The following ZNF385D variants were observed in gnomAD, a reference collection of about 807,000 sequenced individuals.
ZNF385D encodes the protein zinc finger protein 385D.
Under a neutral mutation model 35.8 loss-of-function variants are expected in ZNF385D, and 15 were observed. The observed-to-expected ratio is 0.42, with a 90% CI of 0.28 to 0.64. ZNF385D has a LOEUF of 0.64. ZNF385D is among the 30% of genes least tolerant of loss of function. The pLI, the probability that ZNF385D is intolerant of heterozygous loss-of-function variation, is 0.23. For missense variants in ZNF385D, 474 were observed against 494.6 expected, an observed-to-expected ratio of 0.96 and a Z score of 0.39; for synonymous variants, 212 against 186.8, an observed-to-expected ratio of 1.13 and a Z score of -1.10.
At chr3:21,628,355 A>G (rs944034465) in intron 2 of ZNF385D, among the ~76,000 whole-genome samples, 1 of 152,150 alleles carries the variant, frequency 6.6e-6, no homozygotes, top group Non-Finnish European at 1.5e-5. Flanking sequence ...GGGAGAAAAC[A>G]TTAACTAACT....
At chr3:22,256,586 TGA>T (rs907759933) in intron 2 of ZNF385D, among the ~76,000 whole-genome samples, 36 of 152,030 alleles carry the variant, frequency 2.4e-4, no homozygotes, top group African/African-American at 7.9e-4. Flanking sequence ...TGTCTACAAG[TGA>T]GATAGTGATA....
At chr3:22,081,706 A>G (rs992811397) in intron 3 of ZNF385D, among the ~76,000 whole-genome samples, 4 of 152,170 alleles carry the variant, frequency 2.6e-5, no homozygotes, top group Admixed American at 2.6e-4. Context: ...TTTCCACGGC[A>G]GCCTTTGAGT....
At chr3:21,979,582 TCATTA>T (rs1694298527) in intron 3 of ZNF385D, 1 of 152,210 alleles carries the variant, frequency 6.6e-6, no homozygotes, top group Admixed American at 6.5e-5. Flanking sequence ...CTGCCTCACT[TCATTA>T]AACATTTACT....
chr3:21,766,475 G>T (rs1301550573), intron 3 of ZNF385D, among the ~76,000 whole-genome samples: 3 of 152,092 alleles, frequency 2.0e-5, no homozygotes, highest in Non-Finnish European at 4.4e-5. Context: ...ATGAGTTTGT[G>T]TTTGAGGAAA....
intron 3 of ZNF385D, among the ~76,000 whole-genome samples, chr3:22,046,489 C>T (rs1023680772): frequency 1.3e-5 from 2 of 152,140 alleles, no homozygotes; most frequent in Non-Finnish European, 2.9e-5. Flanking sequence ...ATCTACTAGA[C>T]ATTTTTTTCC....
chr3:21,856,476 T>A (rs144815063), intron 3 of ZNF385D, among the ~76,000 whole-genome samples: 1 of 152,066 alleles, frequency 6.6e-6, no homozygotes, highest in South Asian at 2.1e-4. Flanking sequence ...AAAATTAACA[T>A]GTAAAATATG....
At chr3:21,684,189 C>T (rs1347702870) in intron 1 of ZNF385D, among the ~76,000 whole-genome samples, 1 of 149,260 alleles carries the variant, frequency 6.7e-6, no homozygotes, top group East Asian at 2.0e-4. Context: ...GCTCTTTTTA[C>T]TCCTGGCCCC....
At chr3:22,078,224 T>C (rs1700565160) in intron 3 of ZNF385D, among the ~76,000 whole-genome samples, 3 of 152,012 alleles carry the variant, frequency 2.0e-5, no homozygotes, top group Admixed American at 2.0e-4. Context: ...GCATAGACCC[T>C]TTTCAAAAGA....
chr3:21,779,116 G>A (rs544406918), intron 3 of ZNF385D, among the ~76,000 whole-genome samples: 34 of 152,080 alleles, frequency 2.2e-4, no homozygotes, highest in Non-Finnish European at 3.8e-4. Flanking sequence ...GAGCTGGGAC[G>A]TGGAAAATGC....
At chr3:22,014,709 A>T (rs1187688147) in intron 3 of ZNF385D, among the ~76,000 whole-genome samples, 1 of 152,114 alleles carries the variant, frequency 6.6e-6, no homozygotes, top group African/African-American at 2.4e-5. Context: ...GACTTGATAT[A>T]CAAGAAATAA....
intron 1 of ZNF385D, among the ~76,000 whole-genome samples, chr3:21,681,740 CA>C (rs1229973523): frequency 2.1e-5 from 3 of 146,338 alleles, no homozygotes; most frequent in East Asian, 4.0e-4. Context: ...AACAATCAAC[CA>C]AAAAAATCAT....
At chr3:21,913,255 G>A (rs571571355) in intron 3 of ZNF385D, among the ~76,000 whole-genome samples, 4 of 152,200 alleles carry the variant, frequency 2.6e-5, no homozygotes, top group African/African-American at 7.2e-5. Flanking sequence ...GCTGCAATGC[G>A]TGTTAACTAG....
intron 2 of ZNF385D, among the ~76,000 whole-genome samples, chr3:22,296,451 T>C (rs1017198278): frequency 1.3e-5 from 2 of 152,114 alleles, no homozygotes; most frequent in African/African-American, 4.8e-5. Flanking sequence ...CAAGCAGTTC[T>C]TCAAGGAAGG....
chr3:22,254,458 T>A (rs572261188), intron 2 of ZNF385D, among the ~76,000 whole-genome samples: 1 of 151,836 alleles, frequency 6.6e-6, no homozygotes, highest in Non-Finnish European at 1.5e-5. Context: ...ACCTAGCAAG[T>A]ATCTTCCATG....
chr3:21,743,756 G>T (rs2069631058), intron 1 of ZNF385D, among the ~76,000 whole-genome samples: 1 of 152,160 alleles, frequency 6.6e-6, no homozygotes, highest in Non-Finnish European at 1.5e-5. Flanking sequence ...TTATACGTTT[G>T]GGAAACAGGG....
intron 3 of ZNF385D, among the ~76,000 whole-genome samples, chr3:21,903,462 G>A (rs970662927): frequency 2.6e-5 from 4 of 152,214 alleles, no homozygotes; most frequent in Middle Eastern, 3.4e-3. Flanking sequence ...TGGCTTCATA[G>A]ACAGTATCAT....
chr3:22,006,004 T>A (rs1241852008), intron 3 of ZNF385D, among the ~76,000 whole-genome samples: 3 of 152,100 alleles, frequency 2.0e-5, no homozygotes, highest in African/African-American at 7.2e-5. Context: ...TGAATGTGTC[T>A]TTTTGAGCTT....
intron 3 of ZNF385D, among the ~76,000 whole-genome samples, chr3:21,806,611 C>A (rs2072661545): frequency 6.6e-6 from 1 of 152,140 alleles, no homozygotes; most frequent in African/African-American, 2.4e-5. Flanking sequence ...AGAACTTCTT[C>A]CTTAAAACTA....
chr3:21,974,247 T>G (rs1003333759), intron 3 of ZNF385D, among the ~76,000 whole-genome samples: 1 of 151,986 alleles, frequency 6.6e-6, no homozygotes, highest in Non-Finnish European at 1.5e-5. Context: ...TGGAACAGAA[T>G]AGAGAACCCA....
Sources: allele counts gnomAD v4.1 joint callset (sites outside exome capture counted in the v4.1 genomes callset), GRCh38; gene constraint gnomAD v4.1.1; transcripts MANE v1.5; gene names NCBI Gene and HGNC (gene_info 2026-07-23, HGNC 2026-07-21).